The following CA12 variants were observed in gnomAD, a reference collection of about 807,000 sequenced individuals.
CA12 encodes carbonic anhydrase 12.
A neutral mutation model predicts 46.8 loss-of-function variants in CA12; 36 were observed. The observed-to-expected ratio is 0.77, with a 90% CI of 0.59 to 1.02. The LOEUF is 1.02. Ranked by LOEUF, CA12 falls within the 50% of genes least tolerant of loss-of-function variation. The pLI, the probability that CA12 is intolerant of heterozygous loss-of-function variation, is 0.00. For synonymous variants in CA12, 202 were observed against 187.0 expected (o/e 1.08, Z -0.65); for missense variants, 436 against 451.4 (o/e 0.97, Z 0.31).
chr15:63,375,590 T>C, intron 2 of CA12, 68 bp downstream of exon 2: 1 of 1,066,166 alleles, frequency 9.4e-7, no homozygotes, highest in East Asian at 2.5e-5. Context: ...GAAGTTTCTG[T>C]TTTTCTCATT....
At chr15:63,381,421 A>G (rs777112461) in intron 1 of CA12, among the ~76,000 whole-genome samples, 1 of 152,146 alleles carries the variant, frequency 6.6e-6, no homozygotes, top group African/African-American at 2.4e-5. Context: ...ACATTTTAAC[A>G]CCAAATCTGC....
At chr15:63,381,604 A>G (rs1440328434) in intron 1 of CA12, 32 bp downstream of exon 1, 7 of 1,580,898 alleles carry the variant, frequency 4.4e-6, no homozygotes, top group Non-Finnish European at 6.1e-6. Flanking sequence ...AGCGCTCAGG[A>G]GTGTTAGGAA....
intron 2 of CA12, chr15:63,375,383 G>A (rs1185859119): frequency 5.4e-6 from 2 of 371,556 alleles, no homozygotes; most frequent in Non-Finnish European, 9.8e-6. Context: ...AATCTTGGAG[G>A]TTTGGTAGAA....
At chr15:63,343,336 C>T (rs895668195) in intron 4 of CA12, among the ~76,000 whole-genome samples, 2 of 134,588 alleles carry the variant, frequency 1.5e-5, no homozygotes. Flanking sequence ...GGCTGGAGTG[C>T]AATGGCGTGA....
rs114677720 is a variant in CA12, at chr15:63,365,493, G to T, written c.106+10165C>A. 5.0e-3 allele frequency among the ~76,000 whole-genome samples: 762 copies of T among 152,314 alleles called. 7 individuals carry two copies. The highest frequency in any genetic ancestry group is 0.018 in the African/African-American group (728 of 41,552). On this transcript the variant is annotated intron_variant, in intron 2 of 10. Transcript: ENST00000178638. ...GCTTTCCTGGCTTCAGTTGTAAACA[G>T]GGGCAGGGTTTGGTGACATGAGCTT...
In CA12 at chr15:63,369,938, G is replaced by A. The variant is rs142921603; in HGVS notation, c.106+5720C>T. ...AAATGTAGGCATTTTGGCAGCCACA[G>A]GCCAAAAGCCTCCAGGATACGCACA... On this transcript the variant is annotated intron_variant, in intron 2 of 10. Transcript: ENST00000178638. Among the ~76,000 whole-genome samples the A allele has an allele frequency of 6.1e-4, 93 of 152,266 alleles. 1 individual carries two copies. In the East Asian group the frequency reaches 0.012, roughly 20 times the overall value.
intron 2 of CA12, among the ~76,000 whole-genome samples, chr15:63,371,373 G>A (rs1357765166): frequency 6.6e-6 from 1 of 152,192 alleles, no homozygotes. Flanking sequence ...AGCACTGCCC[G>A]GCTCACACCG....
At position 63,336,016 on chromosome 15, in the gene CA12, A is replaced by G. The variant is rs138637545; in HGVS notation, c.874+2803T>C. Among the ~76,000 whole-genome samples, 779 of 152,306 alleles carry G rather than the reference A, an allele frequency of 5.1e-3. 5 individuals are homozygous for G. Among genetic ancestry groups the G allele is most frequent in the Middle Eastern group, 0.017 (5 of 294 alleles). On this transcript the variant is annotated intron_variant, in intron 8 of 10. Coordinates refer to ENST00000178638, the MANE Select transcript of CA12 (RefSeq NM_001218.5). ...GGAGGAGAATTCTGGCCAAGCTTCT[A>G]TAATCAGCCTCCAGATGGACAGGTT...
Position 63,345,075 on chromosome 15 carries a change from A to G in CA12, c.429+402T>C, listed in dbSNP as rs1441361831. ...AAGATAGCATCAAAATGATGCAAAC[A>G]GCATGACATATGAAGAAAGGCTGAG... is the stretch of plus-strand genomic sequence containing the variant. On this transcript the variant is annotated intron_variant, in intron 4 of 10. Coordinates refer to ENST00000178638, the MANE Select transcript of CA12 (RefSeq NM_001218.5). This position sits in a 1 kb window ranked among gnomAD's most constrained non-coding sequence, Gnocchi z 4.3. Among the ~76,000 whole-genome samples the G allele has an allele frequency of 6.6e-6, 1 of 152,238 alleles. No individual in the cohort carries two copies. Among genetic ancestry groups the G allele is most frequent in the Non-Finnish European group, 1.5e-5 (1 of 68,050 alleles).
chr15:63,335,051 C>T (rs1595776630), intron 8 of CA12, among the ~76,000 whole-genome samples: 2 of 152,274 alleles, frequency 1.3e-5, no homozygotes, highest in East Asian at 3.9e-4. Context: ...AACCCTGGGG[C>T]AGTGGTTTTC....
At chr15:63,376,342 T>C (rs2039570233) in intron 1 of CA12, among the ~76,000 whole-genome samples, 1 of 152,340 alleles carries the variant, frequency 6.6e-6, no homozygotes, top group Non-Finnish European at 1.5e-5. Flanking sequence ...GTAGAAGCTC[T>C]TCTTCCCACT....
At chr15:63,335,670 A>G (rs943881597) in intron 8 of CA12, among the ~76,000 whole-genome samples, 1 of 151,270 alleles carries the variant, frequency 6.6e-6, no homozygotes, top group Non-Finnish European at 1.5e-5. Context: ...TCCTGGCAGA[A>G]TTTTCTGACT....
At chr15:63,361,538 C>G (rs2039363760) in intron 2 of CA12, among the ~76,000 whole-genome samples, 2 of 152,128 alleles carry the variant, frequency 1.3e-5, no homozygotes, top group Non-Finnish European at 2.9e-5. Flanking sequence ...GCAGGACAGT[C>G]CTGCACAACA....
At chr15:63,352,706 GTT>G (rs1567048380) in intron 2 of CA12, among the ~76,000 whole-genome samples, 1 of 152,160 alleles carries the variant, frequency 6.6e-6, no homozygotes, top group Non-Finnish European at 1.5e-5. Context: ...TAGTGGCAAA[GTT>G]TACACATTCT....
intron 2 of CA12, among the ~76,000 whole-genome samples, chr15:63,370,027 C>A (rs1012563259): frequency 6.6e-6 from 1 of 152,122 alleles, no homozygotes; most frequent in Non-Finnish European, 1.5e-5. Flanking sequence ...CACACCACAT[C>A]CAGACAGACC....
At position 63,333,260 on chromosome 15, in the gene CA12, C is replaced by T. The variant is rs531334487; in HGVS notation, c.875-5130G>A. Among the ~76,000 whole-genome samples the T allele has an allele frequency of 2.6e-5, 4 of 152,362 alleles. No individual in the cohort carries two copies. The South Asian group carries it at 8.3e-4, about 32-fold the overall frequency. On this transcript the variant is annotated intron_variant, in intron 8 of 10. Transcript: ENST00000178638. ...GATGATGTGGAAGGATCGGCTAGGG[C>T]CCCATCACCAAGGGTGGGTCCAGCC...
Position 63,330,117 on chromosome 15 carries a change from C to A in CA12, c.875-1987G>T, listed in dbSNP as rs2038917514. ...CATGACCTCCCAAGTGGCAGAGTGG[C>A]TCCACTGGCCAGACTCCCTGCCCCA... On this transcript the variant is annotated intron_variant, in intron 8 of 10. Transcript: ENST00000178638. This position sits in a 1 kb window ranked among gnomAD's most constrained non-coding sequence, Gnocchi z 4.0. Among the ~76,000 whole-genome samples, 1 of 152,244 alleles carries A rather than the reference C, an allele frequency of 6.6e-6. No individual in the cohort carries two copies. The highest frequency in any genetic ancestry group is 2.4e-5 in the African/African-American group (1 of 41,470).
chr15:63,347,929 C>T (rs1208510679), intron 2 of CA12, among the ~76,000 whole-genome samples: 1 of 152,218 alleles, frequency 6.6e-6, no homozygotes, highest in Non-Finnish European at 1.5e-5. Context: ...CTTCTGTAGA[C>T]CCCTGCACTG....
Position 63,374,110 on chromosome 15 carries a change from C to T in CA12, c.106+1548G>A, listed in dbSNP as rs1326224340. On this transcript the variant is annotated intron_variant, in intron 2 of 10. Transcript: ENST00000178638. The surrounding 1 kb of genome is among the most constrained non-coding windows in gnomAD (Gnocchi z 4.4). Reference sequence around the variant, plus strand: ...TCCTAAAACACAGACTTACTCCCTGCCCTGCCCCTCCAGGAGCAGGACAAA... The same window carrying T: ...TCCTAAAACACAGACTTACTCCCTGTCCTGCCCCTCCAGGAGCAGGACAAA... Among the ~76,000 whole-genome samples, 3 of 152,174 alleles carry T rather than the reference C, an allele frequency of 2.0e-5. No homozygotes were observed. Among genetic ancestry groups the T allele is most frequent in the African/African-American group, 4.8e-5 (2 of 41,434 alleles).
Sources: gnomAD v4.1 joint callset for allele counts (sites outside exome capture counted in the v4.1 genomes callset) on GRCh38, gnomAD v4.1.1 for gene constraint, Gnocchi (gnomAD v3.1) non-coding constraint, MANE v1.5 for transcripts, NCBI Gene and HGNC (gene_info 2026-07-23, HGNC 2026-07-21) for gene names.